The following DERA variants were observed in gnomAD, a reference collection of about 807,000 sequenced individuals.
DERA encodes deoxyribose-phosphate aldolase.
A neutral mutation model predicts 41.1 loss-of-function variants in DERA; 15 were observed. That is an observed-to-expected ratio of 0.37 (90% CI 0.24 to 0.56). The LOEUF is 0.56. Among genes scored for constraint, DERA ranks in the 20% least tolerant of loss-of-function variants. DERA has a pLI of 0.81. For synonymous variants in DERA, 139 were observed against 137.4 expected (o/e 1.01, Z -0.08); for missense variants, 396 against 403.4 (o/e 0.98, Z 0.16).
intron 1 of DERA, among the ~76,000 whole-genome samples, chr12:15,926,930 C>T (rs530650278): frequency 6.6e-6 from 1 of 152,246 alleles, no homozygotes; most frequent in Admixed American, 6.5e-5. Context: ...ACCAGTTCTT[C>T]ACTTGGAGAA....
rs1228807907 is a variant in DERA at position 15,981,861 on chromosome 12, G to A, written c.509-447G>A. 5.0e-5 allele frequency among the ~76,000 whole-genome samples: 1 copy of A among 20,104 alleles called. No homozygotes were observed. The highest frequency in any genetic ancestry group is 2.2e-4 in the African/African-American group (1 of 4,574). 13.2% of individuals were successfully genotyped at this position (20,104 alleles called of 152,430 possible). ...GTCATGAACATAACTCTCAAGAAAG[G>A]TGTGCTTTATATCCAACCAAAGAAC... is the stretch of plus-strand genomic sequence containing the variant. On this transcript the variant is annotated intron_variant, in intron 5 of 8. Coordinates refer to ENST00000428559, the MANE Select transcript of DERA (RefSeq NM_015954.4). This position sits in a 1 kb window ranked among gnomAD's most constrained non-coding sequence, Gnocchi z 6.1.
At chr12:15,961,961 C>T (rs1011015322) in intron 4 of DERA, among the ~76,000 whole-genome samples, 5 of 152,184 alleles carry the variant, frequency 3.3e-5, no homozygotes, top group African/African-American at 9.7e-5. Context: ...CCAGGCTAGT[C>T]TCAACCTCTT....
chr12:16,007,175 GTTTTTTTTTTTTTGT>G lies in DERA; in HGVS notation c.637+24751_637+24765del, dbSNP rs999018297. 1.2e-3 allele frequency among the ~76,000 whole-genome samples: 153 copies of G among 129,216 alleles called. 1 individual carries two copies. The highest frequency in any genetic ancestry group is 3.5e-3 in the African/African-American group (124 of 34,944). The allele number at this position is 129,216 out of a possible 152,430, so 84.8% of individuals were successfully genotyped here. On this transcript the variant is annotated intron_variant, in intron 6 of 8. Transcript: ENST00000428559. ...TTTTTACTCTTTTTGGGGTTTTTTT[GTTTTTTTTTTTTTGT>G]TTTTTTTTTTTGAGACAAGGTCTCA... is the stretch of plus-strand genomic sequence containing the variant.
At chr12:16,033,581 T>TGTGTGTG (rs1949107622) in intron 7 of DERA, among the ~76,000 whole-genome samples, 1 of 127,662 alleles carries the variant, frequency 7.8e-6, no homozygotes, top group African/African-American at 3.0e-5. Context: ...GAGAGCAAGG[T>TGTGTGTG]TGTGTGTGTG....
At chr12:16,022,269 C>T (rs1181658367) in intron 6 of DERA, among the ~76,000 whole-genome samples, 1 of 152,140 alleles carries the variant, frequency 6.6e-6, no homozygotes, top group Non-Finnish European at 1.5e-5. Flanking sequence ...CCTGCTCTTG[C>T]CATGTGACAT....
At chr12:16,032,830 A>T (rs1949102177) in intron 7 of DERA, 176 bp downstream of exon 7, 1 of 568,280 alleles carries the variant, frequency 1.8e-6, no homozygotes, top group Non-Finnish European at 3.1e-6. Context: ...AAAAATTGTG[A>T]TGAACAGAAA....
chr12:16,008,412 A>T lies in DERA; in HGVS notation c.638-24130A>T, dbSNP rs1008908806. ...GCCAGTGTAGATGGGGTGGGGAATT[A>T]CCTGCATAGGCATAGCTGGTGGTGT... On this transcript the variant is annotated intron_variant, in intron 6 of 8. Transcript: ENST00000428559. The surrounding 1 kb of genome is among the most constrained non-coding windows in gnomAD (Gnocchi z 4.8). Among the ~76,000 whole-genome samples, 2 of 148,192 alleles carry T rather than the reference A, an allele frequency of 1.3e-5. No homozygotes were observed. Among genetic ancestry groups the T allele is most frequent in the Non-Finnish European group, 3.0e-5 (2 of 66,338 alleles).
At chr12:16,028,224 C>T (rs749370397) in intron 6 of DERA, among the ~76,000 whole-genome samples, 4 of 152,142 alleles carry the variant, frequency 2.6e-5, no homozygotes, top group Admixed American at 6.5e-5. Flanking sequence ...TGAGCATCTT[C>T]TAGTCTCAGA....
rs1295151304 is a variant in DERA at position 15,994,724 on chromosome 12, A to T, written c.637+12288A>T. Among the ~76,000 whole-genome samples the T allele has an allele frequency of 6.6e-6, 1 of 152,210 alleles. No homozygotes were observed. Among genetic ancestry groups the T allele is most frequent in the Non-Finnish European group, 1.5e-5 (1 of 68,028 alleles). On this transcript the variant is annotated intron_variant, in intron 6 of 8. Coordinates refer to ENST00000428559, the MANE Select transcript of DERA (RefSeq NM_015954.4). The surrounding 1 kb of genome is among the most constrained non-coding windows in gnomAD (Gnocchi z 4.8). ...CACCTCGGCCTCCCAAAGTGCTGGG[A>T]TTACAGGCGTGAGCCACCGCGCCTG...
rs7134444 is a variant in DERA at position 16,008,402 on chromosome 12, G to T, written c.638-24140G>T. 0.081 allele frequency among the ~76,000 whole-genome samples: 12,388 copies of T among 152,186 alleles called. 1,511 individuals carry two copies. The highest frequency in any genetic ancestry group is 0.26 in the African/African-American group (10,732 of 41,456). On this transcript the variant is annotated intron_variant, in intron 6 of 8. Coordinates refer to ENST00000428559, the MANE Select transcript of DERA (RefSeq NM_015954.4). This position sits in a 1 kb window ranked among gnomAD's most constrained non-coding sequence, Gnocchi z 4.8. ...TGTCTGATTTGCCAGTGTAGATGGG[G>T]TGGGGAATTACCTGCATAGGCATAG...
Position 16,011,279 on chromosome 12 carries a change from G to A in DERA, c.638-21263G>A, listed in dbSNP as rs985303667. Among the ~76,000 whole-genome samples the A allele has an allele frequency of 2.6e-5, 4 of 152,156 alleles. No individual in the cohort carries two copies. The highest frequency in any genetic ancestry group is 5.9e-5 in the Non-Finnish European group (4 of 68,028). ...TTTTACTCATCTTTGCCAAAGCATA[G>A]TGATACCAAATCATATTTTACAGGT... On this transcript the variant is annotated intron_variant, in intron 6 of 8. Transcript: ENST00000428559. This position sits in a 1 kb window ranked among gnomAD's most constrained non-coding sequence, Gnocchi z 4.7.
intron 1 of DERA, among the ~76,000 whole-genome samples, chr12:15,932,997 A>T (rs780563879): frequency 6.6e-6 from 1 of 152,052 alleles, no homozygotes. Flanking sequence ...AAGTGACAGG[A>T]TTTCCTTCTT....
intron 1 of DERA, among the ~76,000 whole-genome samples, chr12:15,919,414 A>G (rs762220315): frequency 5.9e-5 from 9 of 152,192 alleles, no homozygotes; most frequent in Non-Finnish European, 1.0e-4. Context: ...TGCGATTTAA[A>G]CATGTCACCA....
At position 16,020,384 on chromosome 12, in the gene DERA, A is replaced by G. The variant is rs903880227; in HGVS notation, c.638-12158A>G. Among the ~76,000 whole-genome samples, 2 of 152,156 alleles carry G rather than the reference A, an allele frequency of 1.3e-5. No individual in the cohort carries two copies. Among genetic ancestry groups the G allele is most frequent in the African/African-American group, 4.8e-5 (2 of 41,440 alleles). Reference sequence around the variant, plus strand: ...AAGGGGAAATCTACCCCCATGATCCAATCTCTTCCTACCAGAGACACCTGA... The same window carrying G: ...AAGGGGAAATCTACCCCCATGATCCGATCTCTTCCTACCAGAGACACCTGA... On this transcript the variant is annotated intron_variant, in intron 6 of 8. Coordinates refer to ENST00000428559, the MANE Select transcript of DERA (RefSeq NM_015954.4). The surrounding 1 kb of genome is among the most constrained non-coding windows in gnomAD (Gnocchi z 5.5).
chr12:15,937,444 A>G (rs1451895863), intron 1 of DERA, among the ~76,000 whole-genome samples: 1 of 152,216 alleles, frequency 6.6e-6, no homozygotes, highest in Non-Finnish European at 1.5e-5. Flanking sequence ...GATTATAGCC[A>G]CATCCGCCAG....
At chr12:15,973,547 G>A (rs1372389474) in intron 5 of DERA, among the ~76,000 whole-genome samples, 1 of 146,794 alleles carries the variant, frequency 6.8e-6, no homozygotes, top group Non-Finnish European at 1.5e-5. Flanking sequence ...AATAGTAAGG[G>A]CTCTGGAGAA....
At chr12:15,956,739 T>G (rs2306181) in intron 1 of DERA, 197 bp from the exon 2 acceptor site, 173,909 of 660,386 alleles carry the variant, frequency 0.26, 27,252 homozygotes, top group Non-Finnish European at 0.34. Context: ...GGAGTGATTT[T>G]GCATGAAGTA....
At position 16,021,109 on chromosome 12, in the gene DERA, C is replaced by G. The variant is rs1446641733; in HGVS notation, c.638-11433C>G. Reference sequence around the variant, plus strand: ...AGAGATTAGCTTGTCTAAAAGGGAGCCAAGTGCTCATATATAAGACTGTGG... The same window carrying G: ...AGAGATTAGCTTGTCTAAAAGGGAGGCAAGTGCTCATATATAAGACTGTGG... On this transcript the variant is annotated intron_variant, in intron 6 of 8. Transcript: ENST00000428559. The surrounding 1 kb of genome is among the most constrained non-coding windows in gnomAD (Gnocchi z 5.3). 3.9e-5 allele frequency among the ~76,000 whole-genome samples: 6 copies of G among 152,188 alleles called. No homozygotes were observed. Among genetic ancestry groups the G allele is most frequent in the Non-Finnish European group, 7.3e-5 (5 of 68,038 alleles).
chr12:15,971,017 C>G (rs1469754767), intron 5 of DERA, among the ~76,000 whole-genome samples: 1 of 152,192 alleles, frequency 6.6e-6, no homozygotes, highest in Admixed American at 6.5e-5. Flanking sequence ...AGTGTCCACA[C>G]CATGGGACAT....
Sources: allele counts gnomAD v4.1 joint callset (sites outside exome capture counted in the v4.1 genomes callset), GRCh38; gene constraint gnomAD v4.1.1; non-coding constraint Gnocchi (gnomAD v3.1); transcripts MANE v1.5; gene names NCBI Gene and HGNC (gene_info 2026-07-23, HGNC 2026-07-21).